VAX2: variants seen among roughly 807,000 people sequenced by gnomAD.
VAX2 encodes ventral anterior homeobox 2.
VAX2 carries 8 observed loss-of-function variants against 12.5 expected under a neutral mutation model. That is an observed-to-expected ratio of 0.64 (90% CI 0.37 to 1.15). The LOEUF (loss-of-function observed/expected upper bound fraction) is 1.15, where lower values mean the gene tolerates loss of function less well. Among genes scored for constraint, VAX2 ranks in the 50% most tolerant of loss-of-function variants. The probability of loss-of-function intolerance (pLI) is 0.01; values close to 1 mark genes in which losing one functional copy is unlikely to be tolerated. For missense variants in VAX2, 476 were observed against 412.9 expected, an observed-to-expected ratio of 1.15 and a Z score of -1.32; for synonymous variants, 183 against 187.6, an observed-to-expected ratio of 0.98 and a Z score of 0.20.
In VAX2 at chr2:70,920,153, A is replaced by T. The variant is rs2104775543; in HGVS notation, c.248-945A>T. On this transcript the variant is annotated intron_variant, in intron 1 of 2. Coordinates refer to ENST00000234392, the MANE Select transcript of VAX2 (RefSeq NM_012476.3). ...TGTTAGTTTAGCTTCGTTATCATGG[A>T]CATCATTTGTAGGGAGTGATTTTGT... Among the ~76,000 whole-genome samples the T allele has an allele frequency of 2.0e-5, 3 of 152,312 alleles. No individual in the cohort carries two copies. In the South Asian group the frequency reaches 6.2e-4, roughly 32 times the overall value.
At chr2:70,926,096 C>G (rs12713720) in intron 2 of VAX2, among the ~76,000 whole-genome samples, 151,632 of 151,880 alleles carry the variant, frequency 1, 75,692 homozygotes, top group Middle Eastern at 1. Context: ...CAATTCAGCT[C>G]AGTTGTCTGC....
intron 2 of VAX2, among the ~76,000 whole-genome samples, chr2:70,931,502 T>C (rs2104789562): frequency 6.6e-6 from 1 of 152,318 alleles, no homozygotes; most frequent in Middle Eastern, 3.4e-3. Flanking sequence ...GCGGCCAGCA[T>C]GGATGCAGAG....
intron 1 of VAX2, among the ~76,000 whole-genome samples, chr2:70,907,744 C>T (rs782080450): frequency 1.3e-5 from 2 of 152,160 alleles, no homozygotes; most frequent in Admixed American, 6.5e-5. Context: ...TTTTAAAAAC[C>T]GGAAGCAAAG....
At chr2:70,905,339 T>C (rs1338691542) in intron 1 of VAX2, among the ~76,000 whole-genome samples, 1 of 152,194 alleles carries the variant, frequency 6.6e-6, no homozygotes, top group African/African-American at 2.4e-5. Context: ...TTTTTGTTTG[T>C]TTGTTTTCTT....
rs377739908 is a variant in VAX2 at position 70,919,980 on chromosome 2, G to T, written c.248-1118G>T. The stretch of plus-strand genomic sequence containing the variant: ...AATGTCAACAGCCACTGCCCATTCT[G>T]GCCGCGTTGCAAACTCCGACTGCGT... On this transcript the variant is annotated intron_variant, in intron 1 of 2. Transcript: ENST00000234392. 8.5e-5 allele frequency among the ~76,000 whole-genome samples: 13 copies of T among 152,296 alleles called. 1 individual carries two copies. The highest frequency in any genetic ancestry group is 3.1e-4 in the African/African-American group (13 of 41,556).
chr2:70,929,128 G>C (rs894105595), intron 2 of VAX2, among the ~76,000 whole-genome samples: 1 of 152,222 alleles, frequency 6.6e-6, no homozygotes. Flanking sequence ...AAATGGGAAA[G>C]GGTTTTCTTC....
intron 1 of VAX2, among the ~76,000 whole-genome samples, chr2:70,916,996 C>G (rs1249002465): frequency 1.3e-5 from 2 of 151,918 alleles, no homozygotes; most frequent in Non-Finnish European, 2.9e-5. Context: ...ACTAAAAATA[C>G]AATAATTAGC....
Position 70,900,740 on chromosome 2 carries a change from G to A in VAX2, c.119G>A (p.Gly40Asp), listed in dbSNP as rs1299236306. The change falls in exon 1 of 3, where the codon GGC (glycine) becomes GAC (aspartate). Residue 40 changes from glycine (G) to aspartate (D), a missense_variant. Coordinates refer to ENST00000234392, the MANE Select transcript of VAX2 (RefSeq NM_012476.3). ...GAGDLRADGG[G>D]HSPTEVAGTS... Reference sequence around the variant, plus strand: ...GGGGACTTGCGAGCTGATGGCGGTGGCCACAGCCCAACGGAGGTGGCCGGG... The same window carrying A: ...GGGGACTTGCGAGCTGATGGCGGTGACCACAGCCCAACGGAGGTGGCCGGG... The A allele has an allele frequency of 2.1e-6, 3 of 1,444,916 alleles. No homozygotes were observed. The highest frequency in any genetic ancestry group is 1.5e-5 in the African/African-American group (1 of 67,968). The allele number at this position is 1,444,916 out of a possible 1,614,324, so 89.5% of individuals were successfully genotyped here.
Position 70,921,143 on chromosome 2 carries a change from A to G in VAX2, c.293A>G (p.Asp98Gly). ...GAAATTGTCCTGCCTAAGGGCCTGG[A>G]CCTGGACCGGCCCAAGCGGACACGT... ...IREIVLPKGL[D>G]LDRPKRTRTS... Residue 98 changes from aspartate to glycine, a missense_variant, in exon 2 of 3, where the codon GAC becomes GGC. Transcript: ENST00000234392. 1 of 1,612,838 alleles carries G rather than the reference A, an allele frequency of 6.2e-7. No individual in the cohort carries two copies. Among genetic ancestry groups the G allele is most frequent in the South Asian group, 1.1e-5 (1 of 90,806 alleles).
At chr2:70,905,466 C>G (rs145529557) in intron 1 of VAX2, among the ~76,000 whole-genome samples, 331 of 151,938 alleles carry the variant, frequency 2.2e-3, no homozygotes, top group African/African-American at 7.6e-3. Context: ...TGTTTCCCCC[C>G]CTTCCATAAC....
At chr2:70,912,053 TG>T (rs1679197050) in intron 1 of VAX2, among the ~76,000 whole-genome samples, 1 of 152,236 alleles carries the variant, frequency 6.6e-6, no homozygotes, top group South Asian at 2.1e-4. Context: ...TCAAAAGCTA[TG>T]TCTCTAATAA....
intron 2 of VAX2, among the ~76,000 whole-genome samples, chr2:70,928,778 CCT>C (rs1232571568): frequency 1.3e-5 from 2 of 152,208 alleles, no homozygotes; most frequent in Non-Finnish European, 2.9e-5. Flanking sequence ...GTCTCCTCTC[CCT>C]CTAGTTCAGA....
rs527731492 is a variant in VAX2, at chr2:70,927,618, G to A, written c.436-5149G>A. On this transcript the variant is annotated intron_variant, in intron 2 of 2. Coordinates refer to ENST00000234392, the MANE Select transcript of VAX2 (RefSeq NM_012476.3). ...CATTTCCAGATCAACAATGAATCCT[G>A]GAATTTGATATTGACCATGAGCCCA... Among the ~76,000 whole-genome samples, 24 of 151,912 alleles carry A rather than the reference G, an allele frequency of 1.6e-4. No individual in the cohort carries two copies. The South Asian group carries it at 4.8e-3, about 30-fold the overall frequency.
intron 2 of VAX2, among the ~76,000 whole-genome samples, chr2:70,931,780 G>A (rs1001925258): frequency 1.3e-5 from 2 of 152,230 alleles, no homozygotes; most frequent in Non-Finnish European, 2.9e-5. Flanking sequence ...CCCAAGAAGC[G>A]GCCAATGGGG....
intron 2 of VAX2, among the ~76,000 whole-genome samples, chr2:70,923,386 A>T (rs1679504490): frequency 6.6e-6 from 1 of 152,208 alleles, no homozygotes; most frequent in Non-Finnish European, 1.5e-5. Flanking sequence ...TTCCAACACC[A>T]GGTGTATGGT....
intron 1 of VAX2, among the ~76,000 whole-genome samples, chr2:70,902,215 A>C (rs1678950855): frequency 6.6e-6 from 1 of 152,180 alleles, no homozygotes; most frequent in African/African-American, 2.4e-5. Flanking sequence ...CATGCAGCCC[A>C]GTGTGAGGGT....
rs1679013749 is a variant in VAX2, at chr2:70,904,830, T to C, written c.247+3962T>C. On this transcript the variant is annotated intron_variant, in intron 1 of 2. Transcript: ENST00000234392. The surrounding 1 kb of genome is among the most constrained non-coding windows in gnomAD (Gnocchi z 4.2). ...GTGGGACGGGTGGGATTGACCTTAGTGGAGTCCAGTCCTTCGGAGAATCCG... is the reference window on the plus strand; with the variant it reads ...GTGGGACGGGTGGGATTGACCTTAGCGGAGTCCAGTCCTTCGGAGAATCCG... 6.6e-6 allele frequency among the ~76,000 whole-genome samples: 1 copy of C among 152,238 alleles called. No homozygotes were observed. Among genetic ancestry groups the C allele is most frequent in the Non-Finnish European group, 1.5e-5 (1 of 68,042 alleles).
Position 70,926,429 on chromosome 2 carries a change from G to A in VAX2, c.435+5144G>A, listed in dbSNP as rs111284633. Among the ~76,000 whole-genome samples the A allele has an allele frequency of 6.0e-4, 92 of 152,270 alleles. 1 individual carries two copies. The highest frequency in any genetic ancestry group is 1.6e-3 in the African/African-American group (66 of 41,542). ...AAGTTCTTCTCATGTCAGAGAACAT[G>A]GACAGCCCCACTTAGTCCAGTTCTC... On this transcript the variant is annotated intron_variant, in intron 2 of 2. Transcript: ENST00000234392.
chr2:70,926,942 G>C (rs1230323843), intron 2 of VAX2, among the ~76,000 whole-genome samples: 2 of 152,100 alleles, frequency 1.3e-5, no homozygotes, highest in East Asian at 1.9e-4. Flanking sequence ...AACCAGAATT[G>C]AATCAGTGGC....
Sources: allele counts gnomAD v4.1 joint callset (sites outside exome capture counted in the v4.1 genomes callset), GRCh38; gene constraint gnomAD v4.1.1; non-coding constraint Gnocchi (gnomAD v3.1); transcripts MANE v1.5; gene names NCBI Gene and HGNC (gene_info 2026-07-23, HGNC 2026-07-21).